Variants in ZNF366 observed in about 807,000 individuals in gnomAD.
ZNF366 encodes dendritic cell-specific transcript protein.
Under a neutral mutation model 47.2 loss-of-function variants are expected in ZNF366, and 20 were observed. The observed-to-expected ratio is 0.42, with a 90% confidence interval of 0.30 to 0.62. ZNF366 has a LOEUF of 0.62. Ranked by LOEUF, ZNF366 falls within the 20% of genes least tolerant of loss-of-function variation. The pLI is 0.16. For synonymous variants in ZNF366, 421 were observed against 395.1 expected, an observed-to-expected ratio of 1.07 and a Z score of -0.78; for missense variants, 987 against 976.3, an observed-to-expected ratio of 1.01 and a Z score of -0.15.
intron 1 of ZNF366, among the ~76,000 whole-genome samples, chr5:72,503,410 CAAGACA>C (rs1362393738): frequency 6.6e-6 from 1 of 152,014 alleles, no homozygotes; most frequent in Non-Finnish European, 1.5e-5. Flanking sequence ...GAAGACGGAG[CAAGACA>C]CTGACCATCT....
intron 3 of ZNF366, among the ~76,000 whole-genome samples, chr5:72,451,176 T>G (rs1389054875): frequency 6.6e-6 from 1 of 152,148 alleles, no homozygotes; most frequent in Non-Finnish European, 1.5e-5. Flanking sequence ...GCCGCTGGAG[T>G]GGTGAGGACT....
chr5:72,464,779 G>T (rs555855580), intron 1 of ZNF366, among the ~76,000 whole-genome samples: 1 of 152,148 alleles, frequency 6.6e-6, no homozygotes, highest in Non-Finnish European at 1.5e-5. Flanking sequence ...GTAGGATCTC[G>T]GCTGGGCGCA....
At chr5:72,453,501 C>T (rs1038327056) in intron 3 of ZNF366, among the ~76,000 whole-genome samples, 3 of 152,222 alleles carry the variant, frequency 2.0e-5, no homozygotes, top group African/African-American at 7.2e-5. Flanking sequence ...CTCCCAAATC[C>T]CCAACAACCT....
intron 1 of ZNF366, among the ~76,000 whole-genome samples, chr5:72,462,136 T>C (rs1355846707): frequency 6.6e-6 from 1 of 152,196 alleles, no homozygotes; most frequent in Non-Finnish European, 1.5e-5. Flanking sequence ...ATCTAATCGT[T>C]TCTGAGTATC....
At chr5:72,458,276 A>G (rs1189675970) in intron 2 of ZNF366, among the ~76,000 whole-genome samples, 1 of 152,052 alleles carries the variant, frequency 6.6e-6, no homozygotes, top group Non-Finnish European at 1.5e-5. Flanking sequence ...TCGGCCTCCC[A>G]AAGTGCTGGG....
At chr5:72,472,569 G>C (rs928162664) in intron 1 of ZNF366, 3 of 985,224 alleles carry the variant, frequency 3.0e-6, no homozygotes, top group South Asian at 4.7e-5. Context: ...AAGAAAGCCA[G>C]TAAGTATAAG....
At chr5:72,448,105 G>A (rs1033016340) in intron 3 of ZNF366, among the ~76,000 whole-genome samples, 4 of 152,040 alleles carry the variant, frequency 2.6e-5, no homozygotes, top group African/African-American at 9.7e-5. Context: ...CTGTATTATT[G>A]TATACAATGT....
At chr5:72,457,729 CT>C (rs1417514630) in intron 2 of ZNF366, among the ~76,000 whole-genome samples, 5 of 152,034 alleles carry the variant, frequency 3.3e-5, no homozygotes, top group African/African-American at 9.7e-5. Context: ...GTCGTGTGGC[CT>C]TTTTTAGTGA....
chr5:72,451,967 G>T (rs1208001502), intron 3 of ZNF366, among the ~76,000 whole-genome samples: 1 of 152,224 alleles, frequency 6.6e-6, no homozygotes, highest in Non-Finnish European at 1.5e-5. Context: ...GAACCCCAGT[G>T]GCCATGCTGA....
chr5:72,460,124 T>C, intron 2 of ZNF366, 41 bp downstream of exon 2: 3 of 1,593,966 alleles, frequency 1.9e-6, no homozygotes, highest in Non-Finnish European at 2.6e-6. Flanking sequence ...CCCGCTCCTC[T>C]TCCCAAGGCC....
At chr5:72,470,052 A>AAAC (rs1743528649) in intron 1 of ZNF366, among the ~76,000 whole-genome samples, 1 of 152,126 alleles carries the variant, frequency 6.6e-6, no homozygotes, top group South Asian at 2.1e-4. Context: ...CTTAAAAAAT[A>AAAC]AATAATAATA....
chr5:72,480,002 G>A (rs1413333303), intron 1 of ZNF366, among the ~76,000 whole-genome samples: 1 of 152,226 alleles, frequency 6.6e-6, no homozygotes, highest in Admixed American at 6.5e-5. Context: ...ACAAAGTCTT[G>A]TTTTGCAGCA....
chr5:72,486,785 CTTT>C (rs551495440), intron 1 of ZNF366, among the ~76,000 whole-genome samples: 2 of 146,042 alleles, frequency 1.4e-5, no homozygotes, highest in South Asian at 4.4e-4. Flanking sequence ...TTTTCCTTTT[CTTT>C]TTTTTTTTAG....
intron 3 of ZNF366, among the ~76,000 whole-genome samples, chr5:72,453,319 C>G (rs1213333765): frequency 6.6e-6 from 1 of 152,212 alleles, no homozygotes; most frequent in Non-Finnish European, 1.5e-5. Flanking sequence ...TTCTGCCCAG[C>G]CACGTCAATC....
At chr5:72,451,131 G>A (rs1239251708) in intron 3 of ZNF366, among the ~76,000 whole-genome samples, 1 of 152,216 alleles carries the variant, frequency 6.6e-6, no homozygotes, top group East Asian at 1.9e-4. Flanking sequence ...CAAGGTCTGT[G>A]GAGATGAAAA....
intron 3 of ZNF366, among the ~76,000 whole-genome samples, chr5:72,454,452 C>T (rs1463440033): frequency 3.3e-5 from 5 of 152,352 alleles, no homozygotes; most frequent in African/African-American, 9.6e-5. Flanking sequence ...TCAAACCACA[C>T]ACAACCTACA....
At chr5:72,446,826 T>G (rs1319221942) in intron 4 of ZNF366, among the ~76,000 whole-genome samples, 2 of 152,212 alleles carry the variant, frequency 1.3e-5, no homozygotes, top group African/African-American at 2.4e-5. Flanking sequence ...GGCTGCACAG[T>G]CAGAAAGGCC....
Position 72,460,370 on chromosome 5 carries a change from G to A in ZNF366, c.1127C>T (p.Thr376Ile). The A allele has an allele frequency of 6.2e-7, 1 of 1,614,268 alleles. No individual in the cohort carries two copies. The highest frequency in any genetic ancestry group is 1.1e-5 in the South Asian group (1 of 91,090). ...ICVECGLDFP[T>I]LAQLKRHLTT... Reference sequence around the variant, plus strand: ...GAGGTGTCTCTTCAGCTGGGCCAAGGTGGGGAAGTCGAGGCCGCACTCCAC... The same window carrying A: ...GAGGTGTCTCTTCAGCTGGGCCAAGATGGGGAAGTCGAGGCCGCACTCCAC... The change falls in exon 2 of 5, where the codon ACC becomes ATC. Residue 376 changes from threonine to isoleucine, a missense_variant. Thr to Ile is a moderately conservative substitution (Grantham distance 89). Around this residue, in one of 3 missense-constraint regions of ZNF366, gnomAD observed 591 missense variants for 560.9 expected, o/e 1.05. Coordinates refer to ENST00000318442, the MANE Select transcript of ZNF366 (RefSeq NM_152625.3).
intron 2 of ZNF366, among the ~76,000 whole-genome samples, chr5:72,457,093 A>G (rs1012504447): frequency 6.6e-6 from 1 of 152,170 alleles, no homozygotes; most frequent in African/African-American, 2.4e-5. Context: ...GTAAATTACA[A>G]CTTAAATTAC....
Sources: allele counts gnomAD v4.1 joint callset (sites outside exome capture counted in the v4.1 genomes callset), GRCh38; gene constraint gnomAD v4.1.1; regional missense constraint gnomAD v4.1.1; transcripts MANE v1.5; gene names NCBI Gene and HGNC (gene_info 2026-07-23, HGNC 2026-07-21).